DMXL1: variants seen among roughly 807,000 people sequenced by gnomAD.
DMXL1 encodes Dmx like 1.
A neutral mutation model predicts 319.2 loss-of-function variants in DMXL1; 99 were observed. That is an observed-to-expected ratio of 0.31 (90% CI 0.26 to 0.37). The LOEUF (loss-of-function observed/expected upper bound fraction) is 0.37. Among genes scored for constraint, DMXL1 ranks in the 10% least tolerant of loss-of-function variants. The pLI is 1.00. For missense variants in DMXL1, 3,745 were observed against 3,595.6 expected (o/e 1.04, Z -1.06); for synonymous variants, 1,385 against 1,235.2 (o/e 1.12, Z -2.54).
At chr5:119,167,545 A>G in intron 22 of DMXL1, 58 bp from the exon 23 acceptor site, 1 of 1,411,582 alleles carries the variant, frequency 7.1e-7, no homozygotes, top group South Asian at 1.4e-5. Context: ...AGTTAACAGA[A>G]TTTATCCTAA....
intron 23 of DMXL1, among the ~76,000 whole-genome samples, chr5:119,169,404 A>G (rs1774103877): frequency 1.3e-5 from 2 of 152,200 alleles, no homozygotes; most frequent in Non-Finnish European, 2.9e-5. Context: ...TGGATTTGAT[A>G]AGGAGTGTAA....
At chr5:119,103,869 G>A (rs943000833) in intron 3 of DMXL1, among the ~76,000 whole-genome samples, 2 of 152,116 alleles carry the variant, frequency 1.3e-5, no homozygotes, top group African/African-American at 2.4e-5. Context: ...GAATTTCAAT[G>A]TTTGCCCATT....
intron 10 of DMXL1, among the ~76,000 whole-genome samples, chr5:119,131,640 T>C (rs1237895702): frequency 2.0e-5 from 3 of 152,222 alleles, no homozygotes; most frequent in Admixed American, 6.5e-5. Flanking sequence ...TGTGTGTTAC[T>C]AAAGGTTAAC....
intron 19 of DMXL1, among the ~76,000 whole-genome samples, chr5:119,157,138 C>A (rs1248063421): frequency 6.6e-6 from 1 of 152,080 alleles, no homozygotes; most frequent in Non-Finnish European, 1.5e-5. Context: ...AGGTGTGCAC[C>A]ACTTGTGCCT....
rs755980729 is a variant in DMXL1, at chr5:119,175,311, G to A, written c.6732G>A (p.Gln2244=). The A allele has an allele frequency of 6.2e-7, 1 of 1,611,586 alleles. No homozygotes were observed. Among genetic ancestry groups the A allele is most frequent in the South Asian group, 1.1e-5 (1 of 90,984 alleles). ...LAASLSACIY[Q]CLCGSHNYSS... ...CTTCACTTTCTGCTTGTATTTATCAGTGCCTTTGTGGTAGTCATAACTACA... is the reference window on the plus strand; with the variant it reads ...CTTCACTTTCTGCTTGTATTTATCAATGCCTTTGTGGTAGTCATAACTACA... Residue 2244 remains glutamine, a synonymous_variant, in exon 26 of 44, where the codon CAG becomes CAA. Transcript: ENST00000539542.
At chr5:119,134,897 A>G (rs1296664403) in intron 13 of DMXL1, among the ~76,000 whole-genome samples, 1 of 152,230 alleles carries the variant, frequency 6.6e-6, no homozygotes, top group Non-Finnish European at 1.5e-5. Context: ...GGGACATCCA[A>G]CAAGCAAGCG....
intron 1 of DMXL1, among the ~76,000 whole-genome samples, chr5:119,085,333 AAAAT>A (rs202033508): frequency 0.023 from 3,545 of 150,864 alleles, 78 homozygotes; most frequent in Admixed American, 0.064. Flanking sequence ...CTTTGTCTCA[AAAAT>A]AAATAAATAA....
At chr5:119,083,019 A>ATTGT (rs373296926) in intron 1 of DMXL1, among the ~76,000 whole-genome samples, 147 of 151,748 alleles carry the variant, frequency 9.7e-4, no homozygotes, top group African/African-American at 3.3e-3. Context: ...CATCCTTTTT[A>ATTGT]TTGTTTGTTT....
chr5:119,148,483 G>A (rs1268263151), intron 17 of DMXL1, among the ~76,000 whole-genome samples: 5 of 152,040 alleles, frequency 3.3e-5, no homozygotes, highest in Non-Finnish European at 1.5e-5. Flanking sequence ...TCAACTCTAG[G>A]TTTTGGTGAT....
Position 119,133,567 on chromosome 5 carries a change from T to C in DMXL1, c.1643T>C (p.Met548Thr). 6.2e-7 allele frequency: 1 copy of C among 1,614,216 alleles called. No homozygotes were observed. Among genetic ancestry groups the C allele is most frequent in the East Asian group, 2.2e-5 (1 of 44,888 alleles). Residue 548 changes from methionine (M) to threonine (T), a missense_variant, in exon 12 of 44, where the codon ATG (methionine) becomes ACG (threonine). By Grantham distance (81) the Met-to-Thr change is moderately conservative. Transcript: ENST00000539542. ...AACTCTCTCTGTAAAAGCATAATGA[T>C]GTATGCCTGTACCAAGAATGTTGAC... ...DANSLCKSIM[M>T]YACTKNVDLA...
At chr5:119,076,675 CTA>C (rs1239599439) in intron 1 of DMXL1, among the ~76,000 whole-genome samples, 1 of 152,072 alleles carries the variant, frequency 6.6e-6, no homozygotes, top group Non-Finnish European at 1.5e-5. Context: ...AACTTAAAAC[CTA>C]TGTCATTTAA....
intron 34 of DMXL1, among the ~76,000 whole-genome samples, chr5:119,208,548 T>G (rs1396970123): frequency 6.6e-6 from 1 of 152,178 alleles, no homozygotes; most frequent in African/African-American, 2.4e-5. Context: ...CATTTTTGTT[T>G]TGATGCTGTT....
At chr5:119,121,279 T>C in intron 9 of DMXL1, 140 bp downstream of exon 9, 1 of 636,062 alleles carries the variant, frequency 1.6e-6, no homozygotes, top group Non-Finnish European at 2.3e-6. Context: ...TTTTCTTTTT[T>C]TTTAATTTAT....
rs1359348013 is a variant in DMXL1 at position 119,220,945 on chromosome 5, A to C, written c.8141A>C (p.Glu2714Ala). ...DDIEVETKGS[E>A]DFLVIHARDD... Reference sequence around the variant, plus strand: ...TGGTTGACATTCCTTTATAGATCAGAAGATTTCTTGGTTATACATGCTCGT... The same window carrying C: ...TGGTTGACATTCCTTTATAGATCAGCAGATTTCTTGGTTATACATGCTCGT... The change falls in exon 37 of 44, where the codon GAA becomes GCA. Residue 2714 changes from glutamate (E) to alanine (A), a missense_variant. Glu to Ala is a moderately radical substitution (Grantham distance 107). Coordinates refer to ENST00000539542, the MANE Select transcript of DMXL1 (RefSeq NM_001290321.3). The C allele has an allele frequency of 6.2e-7, 1 of 1,613,090 alleles. No homozygotes were observed. The highest frequency in any genetic ancestry group is 2.2e-5 in the East Asian group (1 of 44,836).
chr5:119,110,063 G>A (rs1393349002), intron 4 of DMXL1, 88 bp from the exon 5 acceptor site: 1 of 1,252,368 alleles, frequency 8.0e-7, no homozygotes, highest in Admixed American at 2.8e-5. Flanking sequence ...CTTTTTTTTA[G>A]AAGTTGTTTT....
chr5:119,194,545 G>T (rs1312021000), intron 30 of DMXL1, among the ~76,000 whole-genome samples: 2 of 152,100 alleles, frequency 1.3e-5, no homozygotes, highest in Non-Finnish European at 2.9e-5. Flanking sequence ...CTAAAACATG[G>T]TATGTTAATG....
chr5:119,134,535 G>C (rs1212557908), intron 13 of DMXL1, 146 bp downstream of exon 13: 1 of 735,964 alleles, frequency 1.4e-6, no homozygotes, highest in Non-Finnish European at 2.1e-6. Flanking sequence ...TTGTACTCTT[G>C]TAATGATTTA....
At chr5:119,077,481 T>TC (rs1165933009) in intron 1 of DMXL1, among the ~76,000 whole-genome samples, 1 of 131,124 alleles carries the variant, frequency 7.6e-6, no homozygotes, top group African/African-American at 2.9e-5. Flanking sequence ...CATCTTAGGT[T>TC]TTTTTTTTTT....
At chr5:119,076,001 T>C (rs1354271768) in intron 1 of DMXL1, among the ~76,000 whole-genome samples, 2 of 152,234 alleles carry the variant, frequency 1.3e-5, no homozygotes, top group African/African-American at 4.8e-5. Context: ...TTTTTTTCTT[T>C]TTCTTTTGTG....
Sources: allele counts gnomAD v4.1 joint callset (sites outside exome capture counted in the v4.1 genomes callset), GRCh38; gene constraint gnomAD v4.1.1; transcripts MANE v1.5; gene names NCBI Gene and HGNC (gene_info 2026-07-23, HGNC 2026-07-21).